PRKCD: variants seen among roughly 807,000 people sequenced by gnomAD.
The protein encoded by PRKCD is protein kinase C delta type.
In PRKCD, 20 loss-of-function variants were observed where a neutral mutation model predicts 82.2. The ratio of observed to expected loss-of-function variants is 0.24; its 90% CI spans 0.17 to 0.35. The LOEUF is 0.35. PRKCD is among the 10% of genes least tolerant of loss of function. PRKCD has a pLI of 1.00. For synonymous variants in PRKCD, 317 were observed against 337.0 expected, an observed-to-expected ratio of 0.94 and a Z score of 0.65; for missense variants, 607 against 899.0, an observed-to-expected ratio of 0.68 and a Z score of 4.15.
chr3:53,180,005 A>C (rs777242661), intron 4 of PRKCD, among the ~76,000 whole-genome samples: 1 of 152,152 alleles, frequency 6.6e-6, no homozygotes. Context: ...CTGCTTCCGC[A>C]TCTGTTAAGG....
intron 2 of PRKCD, among the ~76,000 whole-genome samples, chr3:53,174,748 T>C (rs1364647625): frequency 6.6e-6 from 1 of 152,066 alleles, no homozygotes; most frequent in Non-Finnish European, 1.5e-5. Context: ...GTTTTAGTCT[T>C]AGGAGGTTGG....
chr3:53,189,767 G>A (rs1703855362), intron 17 of PRKCD, 106 bp from the exon 18 acceptor site: 4 of 1,523,396 alleles, frequency 2.6e-6, no homozygotes, highest in Admixed American at 1.7e-5. Flanking sequence ...GGCTGACTGG[G>A]GCTGGGGCAA....
Position 53,190,019 on chromosome 3 carries a change from G to A in PRKCD, c.1872+18G>A. 1 of 1,613,322 alleles carries A rather than the reference G, an allele frequency of 6.2e-7. No homozygotes were observed. The highest frequency in any genetic ancestry group is 8.5e-7 in the Non-Finnish European group (1 of 1,179,724). ...CCAAAGTGGTATGTGATCCTGCCCTGTGCTGCCTTCAGGCTGAGCTACTCC... is the reference window on the plus strand; with the variant it reads ...CCAAAGTGGTATGTGATCCTGCCCTATGCTGCCTTCAGGCTGAGCTACTCC... On this transcript the variant is annotated intron_variant, in intron 18 of 18. Coordinates refer to ENST00000330452, the MANE Select transcript of PRKCD (RefSeq NM_006254.4).
intron 1 of PRKCD, among the ~76,000 whole-genome samples, chr3:53,163,260 G>A (rs1157851751): frequency 1.3e-5 from 2 of 152,070 alleles, no homozygotes; most frequent in African/African-American, 4.8e-5. Context: ...GTATGCTTGG[G>A]GAGTGACTGT....
intron 3 of PRKCD, 125 bp from the exon 4 acceptor site, chr3:53,179,452 G>A (rs782209436): frequency 1.6e-6 from 2 of 1,269,218 alleles, no homozygotes; most frequent in South Asian, 2.4e-5. Flanking sequence ...GAGGACACTG[G>A]GGAACCACAG....
intron 15 of PRKCD, 143 bp downstream of exon 15, chr3:53,187,545 C>A: frequency 2.1e-6 from 2 of 946,410 alleles, no homozygotes; most frequent in Non-Finnish European, 3.1e-6. Flanking sequence ...TTGCCTATGC[C>A]TCCCACCCTG....
At chr3:53,175,346 G>T (rs897262913) in intron 2 of PRKCD, among the ~76,000 whole-genome samples, 12 of 152,128 alleles carry the variant, frequency 7.9e-5, no homozygotes, top group Admixed American at 1.3e-4. Context: ...GATGGGTGCC[G>T]CAGTGAGGGG....
chr3:53,170,351 C>T (rs1372968714), intron 2 of PRKCD, among the ~76,000 whole-genome samples: 6 of 152,234 alleles, frequency 3.9e-5, no homozygotes, highest in Admixed American at 6.5e-5. Context: ...ACCTCTCTTT[C>T]GGTTTCTGCA....
chr3:53,181,845 T>A, intron 7 of PRKCD, 113 bp downstream of exon 7: 1 of 1,501,676 alleles, frequency 6.7e-7, no homozygotes, highest in Non-Finnish European at 9.1e-7. Flanking sequence ...TGCACGTGAG[T>A]TTTCCCAGTG....
chr3:53,182,137 C>T (rs1703468431), intron 7 of PRKCD, among the ~76,000 whole-genome samples: 2 of 152,132 alleles, frequency 1.3e-5, no homozygotes, highest in Admixed American at 6.5e-5. Context: ...ACACTCTGTC[C>T]CTGAGGGTGT....
intron 14 of PRKCD, among the ~76,000 whole-genome samples, 173 bp from the exon 15 acceptor site, chr3:53,187,167 C>A (rs1456626877): frequency 2.6e-5 from 4 of 151,280 alleles, no homozygotes; most frequent in Non-Finnish European, 4.4e-5. Flanking sequence ...GAACTTTCTG[C>A]CTGGGCTGCC....
At chr3:53,166,846 G>A (rs1222897675) in intron 2 of PRKCD, among the ~76,000 whole-genome samples, 2 of 152,282 alleles carry the variant, frequency 1.3e-5, no homozygotes, top group African/African-American at 4.8e-5. Context: ...GCTCCAGGCC[G>A]ACCAGGGATT....
chr3:53,181,087 C>A, intron 4 of PRKCD, 120 bp from the exon 5 acceptor site: 1 of 1,069,712 alleles, frequency 9.3e-7, no homozygotes, highest in Non-Finnish European at 1.4e-6. Context: ...AAGTGTCTGG[C>A]TAGGCCTTGG....
intron 2 of PRKCD, among the ~76,000 whole-genome samples, chr3:53,175,609 C>A (rs995572623): frequency 2.6e-5 from 4 of 152,182 alleles, no homozygotes; most frequent in Non-Finnish European, 4.4e-5. Flanking sequence ...GAGCCTCTCT[C>A]CCCTAGGAGC....
chr3:53,181,693 CCT>C lies in PRKCD; in HGVS notation c.540-7_540-6del, dbSNP rs1575536212. 3 of 1,612,468 alleles carry C rather than the reference CCT, an allele frequency of 1.9e-6. No individual in the cohort carries two copies. The highest frequency in any genetic ancestry group is 2.5e-6 in the Non-Finnish European group (3 of 1,178,534). On this transcript the variant is annotated splice_polypyrimidine_tract_variant and splice_region_variant and intron_variant, in intron 6 of 18. Transcript: ENST00000330452. The stretch of plus-strand genomic sequence containing the variant: ...GCTCACTCACTTTGCCTGGGTTTTG[CCT>C]TTCAGGGGCCTCAACAAGCAAGGCT...
At chr3:53,189,276 CT>C in intron 17 of PRKCD, 30 bp downstream of exon 17, 1 of 1,307,266 alleles carries the variant, frequency 7.6e-7, no homozygotes, top group African/African-American at 2.0e-5. Context: ...CTGGGCTGGT[CT>C]GGGCTGGGCT....
At chr3:53,191,749 T>C (rs1703932799) in intron 18 of PRKCD, among the ~76,000 whole-genome samples, 2 of 152,244 alleles carry the variant, frequency 1.3e-5, no homozygotes, top group East Asian at 3.8e-4. Flanking sequence ...TCATGAAATA[T>C]TTTTCTTTTG....
chr3:53,181,773 G>A (rs553901760), intron 7 of PRKCD, 41 bp downstream of exon 7: 3 of 1,613,620 alleles, frequency 1.9e-6, no homozygotes, highest in Admixed American at 1.7e-5. Context: ...ATGTACCCAT[G>A]TGTGCTCACG....
intron 15 of PRKCD, among the ~76,000 whole-genome samples, chr3:53,188,214 A>AAAAAAAG (rs1575543848): frequency 4.7e-5 from 7 of 148,834 alleles, no homozygotes; most frequent in Admixed American, 6.7e-5. Flanking sequence ...AAAAAAAAAA[A>AAAAAAAG]GGTGGGAGCG....
Sources: gnomAD v4.1 joint callset for allele counts (sites outside exome capture counted in the v4.1 genomes callset) on GRCh38, gnomAD v4.1.1 for gene constraint, MANE v1.5 for transcripts, NCBI Gene and HGNC (gene_info 2026-07-23, HGNC 2026-07-21) for gene names.